Variants in KMT5B observed in about 807,000 individuals in gnomAD.
KMT5B encodes histone-lysine N-methyltransferase KMT5B.
Under a neutral mutation model 83.2 loss-of-function variants are expected in KMT5B, and 10 were observed. That is an observed-to-expected ratio of 0.12 (90% CI 0.07 to 0.20). The LOEUF is 0.20. Ranked by LOEUF, KMT5B falls within the 10% of genes least tolerant of loss-of-function variation. The pLI is 1.00. For missense variants in KMT5B, 753 were observed against 1,067.2 expected (o/e 0.71, Z 4.10); for synonymous variants, 349 against 388.8 (o/e 0.90, Z 1.20).
chr11:68,207,067 C>G (rs1860212176), intron 1 of KMT5B, among the ~76,000 whole-genome samples: 1 of 151,780 alleles, frequency 6.6e-6, no homozygotes, highest in South Asian at 2.1e-4. Context: ...ACGGTGAAAC[C>G]CCGTCTCCAC....
At chr11:68,174,036 T>C (rs1019792256) in intron 5 of KMT5B, 123 bp from the exon 6 acceptor site, 74 of 723,628 alleles carry the variant, frequency 1.0e-4, no homozygotes, top group Non-Finnish European at 5.9e-5. Flanking sequence ...CTGAGCAACA[T>C]AGCGAGACCC....
chr11:68,205,938 GACTT>G (rs1860050484), intron 1 of KMT5B, among the ~76,000 whole-genome samples: 1 of 152,116 alleles, frequency 6.6e-6, no homozygotes, highest in Admixed American at 6.6e-5. Flanking sequence ...GCAATTCTTA[GACTT>G]ACTTATTTGG....
chr11:68,207,475 CTG>C (rs1860279001), intron 1 of KMT5B, among the ~76,000 whole-genome samples: 1 of 151,998 alleles, frequency 6.6e-6, no homozygotes, highest in South Asian at 2.1e-4. Context: ...GGCTGAGAGA[CTG>C]TGTACTGTTA....
intron 9 of KMT5B, among the ~76,000 whole-genome samples, chr11:68,170,588 G>C (rs60425597): frequency 0.021 from 3,269 of 152,230 alleles, 121 homozygotes; most frequent in African/African-American, 0.074. Context: ...TGATATCAGG[G>C]AACAACTCTT....
intron 4 of KMT5B, among the ~76,000 whole-genome samples, chr11:68,178,013 G>A (rs1031932717): frequency 2.0e-5 from 3 of 152,120 alleles, no homozygotes; most frequent in African/African-American, 4.8e-5. Flanking sequence ...ATGACCTGTC[G>A]AGCAATATGA....
At chr11:68,159,283 A>C (rs1282690144) in intron 10 of KMT5B, 112 bp from the exon 11 acceptor site, 3 of 1,406,070 alleles carry the variant, frequency 2.1e-6, no homozygotes, top group African/African-American at 2.9e-5. Flanking sequence ...ACAAACGCCA[A>C]CACCACGGCT....
At chr11:68,169,474 T>C (rs529225366) in intron 9 of KMT5B, among the ~76,000 whole-genome samples, 1 of 152,238 alleles carries the variant, frequency 6.6e-6, no homozygotes, top group Non-Finnish European at 1.5e-5. Flanking sequence ...CCTGCCTTCA[T>C]GGAGCTCATA....
At chr11:68,204,429 A>G (rs1045185794) in intron 1 of KMT5B, among the ~76,000 whole-genome samples, 9 of 152,162 alleles carry the variant, frequency 5.9e-5, no homozygotes, top group African/African-American at 2.2e-4. Context: ...CACCTCACAA[A>G]GTACAGAAGG....
Position 68,209,913 on chromosome 11 carries a change from C to T in KMT5B, c.-77+3225G>A, listed in dbSNP as rs1213129697. Among the ~76,000 whole-genome samples, 7 of 151,160 alleles carry T rather than the reference C, an allele frequency of 4.6e-5. No individual in the cohort carries two copies. In the East Asian group the frequency reaches 1.4e-3, roughly 29 times the overall value. ...ACGGAGTCTTGCTCTGTCGCCCAGGCTGGAGTGCAGTGGAGCCATCTCTGC... is the reference window on the plus strand; with the variant it reads ...ACGGAGTCTTGCTCTGTCGCCCAGGTTGGAGTGCAGTGGAGCCATCTCTGC... On this transcript the variant is annotated intron_variant, in intron 1 of 10. Transcript: ENST00000304363.
At position 68,158,909 on chromosome 11, in the gene KMT5B, C is replaced by G. The variant is rs1854617822; in HGVS notation, c.1437G>C (p.Glu479Asp). ...KLEMGNLVLK[E>D]PKVVLYKNLP... ...AATTTTTATACAGAACTACTTTAGG[C>G]TCTTTCAGTACTAAGTTTCCCATTT... Residue 479 changes from glutamate (E) to aspartate (D), a missense_variant, in exon 11 of 11, where the codon GAG becomes GAC. Around this residue, in one of 9 missense-constraint regions of KMT5B, gnomAD observed 397 missense variants for 395.9 expected, o/e 1.00. Transcript: ENST00000304363. 6.2e-7 allele frequency: 1 copy of G among 1,614,178 alleles called. No individual in the cohort carries two copies. Among genetic ancestry groups the G allele is most frequent in the East Asian group, 2.2e-5 (1 of 44,894 alleles).
chr11:68,161,036 G>A (rs1590922936), intron 10 of KMT5B, among the ~76,000 whole-genome samples: 1 of 152,178 alleles, frequency 6.6e-6, no homozygotes, highest in South Asian at 2.1e-4. Flanking sequence ...TCACAGCAAA[G>A]GGATTCACAG....
chr11:68,198,672 T>C (rs1162818830), intron 1 of KMT5B, among the ~76,000 whole-genome samples: 1 of 152,194 alleles, frequency 6.6e-6, no homozygotes, highest in Admixed American at 6.5e-5. Flanking sequence ...CATTTAGAAG[T>C]AAAAATTGCC....
At chr11:68,161,380 G>A (rs1201773026) in intron 10 of KMT5B, among the ~76,000 whole-genome samples, 1 of 152,148 alleles carries the variant, frequency 6.6e-6, no homozygotes, top group East Asian at 1.9e-4. Flanking sequence ...TGGCTACGAT[G>A]ATCCTTTGCT....
intron 1 of KMT5B, among the ~76,000 whole-genome samples, chr11:68,194,194 T>G (rs908587514): frequency 3.3e-5 from 5 of 150,380 alleles, no homozygotes; most frequent in Non-Finnish European, 7.4e-5. Flanking sequence ...ACCAAGTTTT[T>G]TTTTTTTTTT....
chr11:68,202,023 C>T (rs1859503340), intron 1 of KMT5B, among the ~76,000 whole-genome samples: 1 of 151,886 alleles, frequency 6.6e-6, no homozygotes, highest in African/African-American at 2.4e-5. Flanking sequence ...CAGGAGATTG[C>T]ACCACTGCAC....
In KMT5B at chr11:68,190,157, C is replaced by A; in HGVS notation, c.-76-5G>T. Reference sequence around the variant, plus strand: ...GAATACTTTCAATGTTCTCTCCTAACAGAAACAAAATATGAAAAACAAAAC... The same window carrying A: ...GAATACTTTCAATGTTCTCTCCTAAAAGAAACAAAATATGAAAAACAAAAC... On this transcript the variant is annotated splice_polypyrimidine_tract_variant and splice_region_variant and intron_variant, in intron 1 of 10. Transcript: ENST00000304363. The A allele has an allele frequency of 7.5e-7, 1 of 1,337,244 alleles. No individual in the cohort carries two copies. Among genetic ancestry groups the A allele is most frequent in the Non-Finnish European group, 1.0e-6 (1 of 956,432 alleles). The allele number at this position is 1,337,244 out of a possible 1,614,324, so 82.8% of individuals were successfully genotyped here. A position where few individuals can be genotyped will look rare whatever the true frequency, so the allele number is the denominator to read the frequency against.
chr11:68,207,678 C>T lies in KMT5B; in HGVS notation c.-77+5460G>A, dbSNP rs537753045. Among the ~76,000 whole-genome samples, 15 of 151,140 alleles carry T rather than the reference C, an allele frequency of 9.9e-5. No individual in the cohort carries two copies. The South Asian group carries it at 3.2e-3, about 32-fold the overall frequency. On this transcript the variant is annotated intron_variant, in intron 1 of 10. Transcript: ENST00000304363. ...TGGTGGCACCTGCCCGTAGTCCCAG[C>T]TACTCGGGAGGCTGAGGCAGGAGAA...
chr11:68,201,705 A>G (rs908851397), intron 1 of KMT5B, among the ~76,000 whole-genome samples: 1 of 152,108 alleles, frequency 6.6e-6, no homozygotes, highest in Non-Finnish European at 1.5e-5. Context: ...GTCTGCAAAC[A>G]GTTTATCTTA....
rs759385669 is a variant in KMT5B at position 68,173,827 on chromosome 11, G to T, written c.630C>A (p.Ala210=). 3.1e-6 allele frequency: 5 copies of T among 1,606,406 alleles called. No homozygotes were observed. Among genetic ancestry groups the T allele is most frequent in the Non-Finnish European group, 4.3e-6 (5 of 1,175,446 alleles). ...ACCACTCTTTTGTTGCAACTATTTTGGCTCCATTTTGTTCTGATGAGTATC... is the reference window on the plus strand; with the variant it reads ...ACCACTCTTTTGTTGCAACTATTTTTGCTCCATTTTGTTCTGATGAGTATC... ...CNRYSSEQNG[A]KIVATKEWKR... The change falls in exon 6 of 11, where the codon GCC becomes GCA. Residue 210 remains alanine, a synonymous_variant. Coordinates refer to ENST00000304363, the MANE Select transcript of KMT5B (RefSeq NM_017635.5).
Sources: allele counts gnomAD v4.1 joint callset (sites outside exome capture counted in the v4.1 genomes callset), GRCh38; gene constraint gnomAD v4.1.1; regional missense constraint gnomAD v4.1.1; transcripts MANE v1.5; gene names NCBI Gene and HGNC (gene_info 2026-07-23, HGNC 2026-07-21).